EYS: variants seen among roughly 807,000 people sequenced by gnomAD.
EYS encodes protein eyes shut homolog.
A neutral mutation model predicts 282.1 loss-of-function variants in EYS; 250 were observed. The observed-to-expected ratio is 0.89, with a 90% CI of 0.80 to 0.98. EYS has a LOEUF of 0.98. Ranked by LOEUF, EYS falls within the 50% of genes least tolerant of loss-of-function variation. EYS has a pLI of 0.00. For missense variants in EYS, 4,016 were observed against 3,709.0 expected, an observed-to-expected ratio of 1.08 and a Z score of -2.15; for synonymous variants, 1,355 against 1,282.9, an observed-to-expected ratio of 1.06 and a Z score of -1.20.
chr6:65,593,594 A>G (rs1765305337), intron 2 of EYS, among the ~76,000 whole-genome samples: 1 of 152,012 alleles, frequency 6.6e-6, no homozygotes, highest in Admixed American at 6.6e-5. Flanking sequence ...TGCATACACT[A>G]TTGAAAACTA....
intron 10 of EYS, among the ~76,000 whole-genome samples, chr6:65,338,189 A>G (rs188159058): frequency 5.3e-5 from 8 of 150,878 alleles, no homozygotes; most frequent in African/African-American, 1.9e-4. Flanking sequence ...AGTAATTTCT[A>G]GGACTAAAAA....
intron 33 of EYS, among the ~76,000 whole-genome samples, chr6:64,027,288 G>C (rs1769567143): frequency 6.6e-6 from 1 of 152,156 alleles, no homozygotes; most frequent in Admixed American, 6.5e-5. Flanking sequence ...CTCAGGGAAA[G>C]GAAGAAAATC....
At chr6:64,240,319 G>A (rs181657986) in intron 30 of EYS, among the ~76,000 whole-genome samples, 176 of 152,234 alleles carry the variant, frequency 1.2e-3, no homozygotes, top group African/African-American at 4.1e-3. Context: ...GATAGGGATA[G>A]CATGAATTTA....
At chr6:64,724,347 G>A (rs1242225904) in intron 22 of EYS, among the ~76,000 whole-genome samples, 1 of 152,140 alleles carries the variant, frequency 6.6e-6, no homozygotes, top group African/African-American at 2.4e-5. Context: ...ACAGAACATT[G>A]CTGTAAAAGA....
At chr6:64,612,304 C>A (rs1767138634) in intron 24 of EYS, among the ~76,000 whole-genome samples, 1 of 152,010 alleles carries the variant, frequency 6.6e-6, no homozygotes, top group Admixed American at 6.6e-5. Flanking sequence ...ATTTACAAAA[C>A]ACAATAAGCC....
chr6:64,634,567 C>T (rs1441016404), intron 22 of EYS, among the ~76,000 whole-genome samples: 1 of 143,506 alleles, frequency 7.0e-6, no homozygotes. Context: ...AAAAAAGAGC[C>T]CTAAGGCACA....
At chr6:65,592,275 G>T (rs1765259335) in intron 2 of EYS, among the ~76,000 whole-genome samples, 1 of 151,758 alleles carries the variant, frequency 6.6e-6, no homozygotes, top group East Asian at 1.9e-4. Context: ...ATTAATTTTG[G>T]ATTTAGTTAA....
chr6:65,393,231 G>A (rs1156688642), intron 7 of EYS, among the ~76,000 whole-genome samples: 1 of 152,130 alleles, frequency 6.6e-6, no homozygotes, highest in Non-Finnish European at 1.5e-5. Flanking sequence ...TAGATGATGA[G>A]TTAGTGGGTG....
chr6:64,979,434 T>G (rs1037659379), intron 14 of EYS, among the ~76,000 whole-genome samples: 2 of 151,558 alleles, frequency 1.3e-5, no homozygotes, highest in South Asian at 4.1e-4. Context: ...ACTGCCCACC[T>G]CCCGTGGGAA....
chr6:65,074,059 T>G (rs927309979), intron 12 of EYS, among the ~76,000 whole-genome samples: 2 of 152,064 alleles, frequency 1.3e-5, no homozygotes, highest in Non-Finnish European at 2.9e-5. Context: ...GTGCATTACC[T>G]TGTTCATCTT....
intron 22 of EYS, among the ~76,000 whole-genome samples, chr6:64,691,870 T>C (rs1424959947): frequency 6.6e-6 from 1 of 152,204 alleles, no homozygotes; most frequent in Non-Finnish European, 1.5e-5. Flanking sequence ...CAAGTGTATA[T>C]GTATCACATT....
At chr6:65,088,424 G>A (rs1774451481) in intron 12 of EYS, among the ~76,000 whole-genome samples, 2 of 152,166 alleles carry the variant, frequency 1.3e-5, no homozygotes, top group South Asian at 4.1e-4. Context: ...TGGAGATGAG[G>A]AACTTGCTGG....
intron 31 of EYS, among the ~76,000 whole-genome samples, chr6:64,197,979 T>TTATA (rs1554218009): frequency 3.2e-4 from 45 of 140,518 alleles, no homozygotes; most frequent in African/African-American, 1.1e-3. Flanking sequence ...TCTTTTTAAT[T>TTATA]TTTATTTATT....
At chr6:64,209,523 T>G (rs945884535) in intron 31 of EYS, among the ~76,000 whole-genome samples, 1 of 152,192 alleles carries the variant, frequency 6.6e-6, no homozygotes, top group Non-Finnish European at 1.5e-5. Flanking sequence ...ATAATGGCCA[T>G]GCAATCTTAA....
chr6:65,164,274 T>C (rs1254277558), intron 12 of EYS, among the ~76,000 whole-genome samples: 1 of 151,342 alleles, frequency 6.6e-6, no homozygotes, highest in Non-Finnish European at 1.5e-5. Flanking sequence ...ATCATGCGTA[T>C]GTTATATAAA....
chr6:64,823,088 A>G (rs1236133742), intron 19 of EYS, among the ~76,000 whole-genome samples: 1 of 151,972 alleles, frequency 6.6e-6, no homozygotes, highest in Non-Finnish European at 1.5e-5. Context: ...TTTGTTGAGA[A>G]TATTAGTGAA....
At chr6:64,584,814 A>AT (rs1324667805) in intron 26 of EYS, among the ~76,000 whole-genome samples, 1 of 152,096 alleles carries the variant, frequency 6.6e-6, no homozygotes. Context: ...GCTTAAGATC[A>AT]TTTTTTGGCT....
chr6:64,053,207 AC>A (rs1169270605), intron 33 of EYS, among the ~76,000 whole-genome samples: 2 of 152,088 alleles, frequency 1.3e-5, no homozygotes, highest in Non-Finnish European at 2.9e-5. Context: ...TTAGAATAAA[AC>A]TTTTGCTAAA....
intron 23 of EYS, among the ~76,000 whole-genome samples, chr6:64,618,188 T>A (rs2149850095): frequency 6.6e-6 from 1 of 152,324 alleles, no homozygotes; most frequent in African/African-American, 2.4e-5. Context: ...AACATTTTAT[T>A]ATTTCCATCA....
Sources: gnomAD v4.1 joint callset for allele counts (sites outside exome capture counted in the v4.1 genomes callset) on GRCh38, gnomAD v4.1.1 for gene constraint, MANE v1.5 for transcripts, NCBI Gene and HGNC (gene_info 2026-07-23, HGNC 2026-07-21) for gene names.